Variants in ZNF558 observed in about 807,000 individuals in gnomAD.
ZNF558 encodes zinc finger protein 558.
In ZNF558, 23 loss-of-function variants were observed where a neutral mutation model predicts 37.6. The observed-to-expected ratio is 0.61, with a 90% CI of 0.44 to 0.87. The LOEUF (loss-of-function observed/expected upper bound fraction) is 0.87, where lower values mean the gene tolerates loss of function less well. ZNF558 is among the 40% of genes least tolerant of loss of function. The pLI is 0.00. For synonymous variants in ZNF558, 189 were observed against 174.4 expected (o/e 1.08, Z -0.66); for missense variants, 429 against 483.7 (o/e 0.89, Z 1.06).
intron 7 of ZNF558, among the ~76,000 whole-genome samples, chr19:8,817,558 G>A (rs776039727): frequency 3.3e-5 from 5 of 150,582 alleles, no homozygotes; most frequent in African/African-American, 1.2e-4. Context: ...TCATTGTTTT[G>A]CATTTTTGAC....
In ZNF558 at chr19:8,821,227, A is replaced by G; in HGVS notation, c.200T>C (p.Leu67Pro). The stretch of plus-strand genomic sequence containing the variant: ...GTTCTCCAGCATCACATCCCTGTAC[A>G]GTGTCCTTTGGGCAGGGTCCAGCAA... ...WALLDPAQRTLYRDVMLENCR... is the reference protein window; with the variant it reads ...WALLDPAQRTPYRDVMLENCR... Residue 67 changes from leucine to proline, a missense_variant, in exon 7 of 10, where the codon CTG becomes CCG. Leu to Pro is a moderately conservative substitution (Grantham distance 98, BLOSUM62 -3). Transcript: ENST00000601372. 6.2e-7 allele frequency: 1 copy of G among 1,614,166 alleles called. No homozygotes were observed. The highest frequency in any genetic ancestry group is 8.5e-7 in the Non-Finnish European group (1 of 1,180,028).
intron 1 of ZNF558, among the ~76,000 whole-genome samples, 171 bp from the exon 2 acceptor site, chr19:8,831,572 C>T (rs2044356519): frequency 6.6e-6 from 1 of 152,214 alleles, no homozygotes; most frequent in East Asian, 1.9e-4. Context: ...ACCTGATTCC[C>T]ATCTGGCCAT....
At chr19:8,817,536 CT>C (rs34508939) in intron 7 of ZNF558, among the ~76,000 whole-genome samples, 95,485 of 148,516 alleles carry the variant, frequency 0.64, 30,756 homozygotes, top group South Asian at 0.79. Context: ...GCATTTTTGA[CT>C]TTTTTTTTTT....
At position 8,822,093 on chromosome 19, in the gene ZNF558, TGGA is replaced by T. The variant is rs765479090; in HGVS notation, c.32-5_32-3del. 19 of 1,614,024 alleles carry T rather than the reference TGGA, an allele frequency of 1.2e-5. No individual in the cohort carries two copies. Among genetic ancestry groups the T allele is most frequent in the East Asian group, 2.2e-5 (1 of 44,866 alleles). The stretch of plus-strand genomic sequence containing the variant: ...AGGCTGGGAACAGGGAAGACGGAGC[TGGA>T]GGAGGAGAAATGAGTCCCATGGATT... On this transcript the variant is annotated splice_polypyrimidine_tract_variant and splice_region_variant and intron_variant, in intron 5 of 9. Transcript: ENST00000601372. This position sits in a 1 kb window ranked among gnomAD's most constrained non-coding sequence, Gnocchi z 4.4.
chr19:8,828,833 T>C (rs1364835646), intron 2 of ZNF558, among the ~76,000 whole-genome samples: 1 of 151,954 alleles, frequency 6.6e-6, no homozygotes, highest in Non-Finnish European at 1.5e-5. Context: ...TGTGGTGGTA[T>C]GTGCCTGTAA....
chr19:8,832,182 G>C (rs1375410447), intron 1 of ZNF558, 27 bp downstream of exon 1: 1 of 152,122 alleles, frequency 6.6e-6, no homozygotes, highest in Non-Finnish European at 1.5e-5. Context: ...CCCTGGACTC[G>C]GACCCGAGCC....
chr19:8,832,760 C>G (rs1194838839), upstream of ZNF558, among the ~76,000 whole-genome samples: 1 of 150,024 alleles, frequency 6.7e-6, no homozygotes. Flanking sequence ...GATGACTGAG[C>G]AGAGACCAGT....
At chr19:8,818,177 G>C (rs960166522) in intron 7 of ZNF558, among the ~76,000 whole-genome samples, 2 of 152,188 alleles carry the variant, frequency 1.3e-5, no homozygotes. Context: ...AACAGGGCCA[G>C]GCGCAGTGGC....
intron 2 of ZNF558, among the ~76,000 whole-genome samples, chr19:8,827,644 G>T (rs1241467251): frequency 7.5e-6 from 1 of 133,908 alleles, no homozygotes; most frequent in African/African-American, 2.8e-5. Flanking sequence ...TGCAATCTCT[G>T]CTCACTGCAA....
chr19:8,812,459 T>C (rs1050748034), intron 9 of ZNF558, 102 bp downstream of exon 9: 10 of 707,856 alleles, frequency 1.4e-5, no homozygotes, highest in Admixed American at 6.5e-5. Context: ...CAATTATAAA[T>C]GACACTTTCC....
rs375735208 is a variant in ZNF558 at position 8,812,037 on chromosome 19, G to A, written c.453C>T (p.Leu151=). 8.8e-6 allele frequency: 14 copies of A among 1,598,966 alleles called. No homozygotes were observed. Among genetic ancestry groups the A allele is most frequent in the South Asian group, 4.5e-5 (4 of 88,752 alleles). ...CTTTAAAACACTGATTACATTCATT[G>A]AGTTTCACTCCACGATGACTTCTTT... ...KTERSHRGVK[L]NECNQCFKVF... Residue 151 remains leucine, a synonymous_variant, in exon 10 of 10, where the codon CTC becomes CTT. Coordinates refer to ENST00000601372, the MANE Select transcript of ZNF558 (RefSeq NM_144693.3).
At chr19:8,821,832 T>G (rs746817030) in intron 6 of ZNF558, 171 bp downstream of exon 6, 108 of 1,454,990 alleles carry the variant, frequency 7.4e-5, no homozygotes, top group Non-Finnish European at 9.7e-5. Flanking sequence ...GCAGTAAATG[T>G]TGACACACAC....
At chr19:8,812,136 C>T (rs2043810193) in intron 9 of ZNF558, 73 bp from the exon 10 acceptor site, 2 of 1,284,448 alleles carry the variant, frequency 1.6e-6, no homozygotes, top group Admixed American at 3.2e-5. Flanking sequence ...TAGGAATCTT[C>T]TCTCCCAGGA....
rs782709421 is a variant in ZNF558 at position 8,812,650 on chromosome 19, C to T, written c.344-7G>A. 2 of 1,574,940 alleles carry T rather than the reference C, an allele frequency of 1.3e-6. No homozygotes were observed. The highest frequency in any genetic ancestry group is 4.5e-5 in the East Asian group (2 of 44,296). ...TTAAGTAGAGTCTCCAAATCTGAAA[C>T]AAATTGAAAAGAAATTTAGGTTGAT... On this transcript the variant is annotated splice_polypyrimidine_tract_variant and splice_region_variant and intron_variant, in intron 8 of 9. Transcript: ENST00000601372.
intron 7 of ZNF558, among the ~76,000 whole-genome samples, chr19:8,813,600 C>T (rs1025640332): frequency 3.5e-4 from 53 of 152,278 alleles, no homozygotes; most frequent in African/African-American, 1.2e-3. Flanking sequence ...CTCCTGGCCT[C>T]GTGATCCACC....
At chr19:8,830,581 G>A (rs11667438) in intron 2 of ZNF558, among the ~76,000 whole-genome samples, 26,022 of 152,058 alleles carry the variant, frequency 0.17, 2,775 homozygotes, top group East Asian at 0.28. Flanking sequence ...TTGGTGGAGG[G>A]CCAATATGCC....
rs113036622 is a variant in ZNF558 at position 8,809,125 on chromosome 19, A to G, written c.*2156T>C. On this transcript the variant is annotated 3_prime_UTR_variant, in exon 10 of 10. Transcript: ENST00000601372. ...TAAGAAGTATAAGAATAAGGAGTCC[A>G]GAGCAGATGCAGCCAATCGGAGGCT... 1 of 152,234 alleles carries G rather than the reference A, an allele frequency of 6.6e-6. No homozygotes were observed. Among genetic ancestry groups the G allele is most frequent in the African/African-American group, 2.4e-5 (1 of 41,464 alleles). 9.4% of individuals were successfully genotyped at this position (152,234 alleles called of 1,614,324 possible). A position where few individuals can be genotyped will look rare whatever the true frequency, so the allele number is the denominator to read the frequency against.
At chr19:8,815,393 CTGAAA>C (rs1161778752) in intron 7 of ZNF558, among the ~76,000 whole-genome samples, 1 of 152,062 alleles carries the variant, frequency 6.6e-6, no homozygotes, top group African/African-American at 2.4e-5. Flanking sequence ...AGTACAATAG[CTGAAA>C]TGAAACATTC....
rs1555766817 is a variant in ZNF558, at chr19:8,809,270, G to C, written c.*2011C>G. On this transcript the variant is annotated 3_prime_UTR_variant, in exon 10 of 10. Coordinates refer to ENST00000601372, the MANE Select transcript of ZNF558 (RefSeq NM_144693.3). The stretch of plus-strand genomic sequence containing the variant: ...ACTTTCCAAGAGACAGAATGGGTGA[G>C]GTGAATGGAAAATATGTGAGGAGAA... 1 of 152,158 alleles carries C rather than the reference G, an allele frequency of 6.6e-6. No homozygotes were observed. The highest frequency in any genetic ancestry group is 1.9e-4 in the East Asian group (1 of 5,202). 9.4% of individuals were successfully genotyped at this position (152,158 alleles called of 1,614,324 possible).
Sources: gnomAD v4.1 joint callset for allele counts (sites outside exome capture counted in the v4.1 genomes callset) on GRCh38, gnomAD v4.1.1 for gene constraint, Gnocchi (gnomAD v3.1) non-coding constraint, MANE v1.5 for transcripts, NCBI Gene and HGNC (gene_info 2026-07-23, HGNC 2026-07-21) for gene names.